CLCN7: variants seen among roughly 807,000 people sequenced by gnomAD.
CLCN7 encodes Cl-/H+ antiporter 7.
Under a neutral mutation model 102.1 loss-of-function variants are expected in CLCN7, and 60 were observed. The observed-to-expected ratio is 0.59, with a 90% CI of 0.48 to 0.73. The LOEUF is 0.73. Among genes scored for constraint, CLCN7 ranks in the 30% least tolerant of loss-of-function variants. CLCN7 has a pLI of 0.00. For missense variants in CLCN7, 962 were observed against 1,125.7 expected (o/e 0.85, Z 2.08); for synonymous variants, 560 against 490.5 (o/e 1.14, Z -1.87).
chr16:1,451,585 G>A, intron 16 of CLCN7, 38 bp downstream of exon 16: 2 of 1,580,000 alleles, frequency 1.3e-6, no homozygotes, highest in Non-Finnish European at 1.7e-6. Flanking sequence ...CCCAGGCCCT[G>A]ATCCCAGGGC....
At position 1,457,036 on chromosome 16, in the gene CLCN7, C is replaced by T. The variant is rs1368725014; in HGVS notation, c.822+218G>A. Among the ~76,000 whole-genome samples the T allele has an allele frequency of 5.9e-5, 9 of 152,118 alleles. No homozygotes were observed. The highest frequency in any genetic ancestry group is 5.9e-5 in the Non-Finnish European group (4 of 68,014). ...CCCTCCCACGGGAAACACTGATGCA[C>T]GTGTGGCAGGGGACCCAAGGAGGGA... On this transcript the variant is annotated intron_variant, in intron 9 of 24. Coordinates refer to ENST00000382745, the MANE Select transcript of CLCN7 (RefSeq NM_001287.6). This position sits in a 1 kb window ranked among gnomAD's most constrained non-coding sequence, Gnocchi z 5.4.
intron 11 of CLCN7, 68 bp downstream of exon 11, chr16:1,455,663 A>C: frequency 6.5e-7 from 1 of 1,530,608 alleles, no homozygotes; most frequent in Middle Eastern, 1.7e-4. Context: ...CCCAAGGTGG[A>C]CCCCATGGTG....
chr16:1,462,675 A>C (rs868312586), intron 2 of CLCN7, among the ~76,000 whole-genome samples: 2,280 of 137,264 alleles, frequency 0.017, 36 homozygotes, highest in Non-Finnish European at 0.026. Flanking sequence ...CAAAAAAAAA[A>C]AAAAAAAAAA....
At chr16:1,455,347 G>A (rs146662873) in intron 11 of CLCN7, 97 bp from the exon 12 acceptor site, 1 of 866,150 alleles carries the variant, frequency 1.2e-6, no homozygotes, top group Non-Finnish European at 2.0e-6. Context: ...GTCAGCCCCG[G>A]GGCCAGGAGT....
chr16:1,469,921 C>A (rs1464175750), intron 1 of CLCN7, among the ~76,000 whole-genome samples: 2 of 152,208 alleles, frequency 1.3e-5, no homozygotes, highest in South Asian at 2.1e-4. Context: ...GCACGACGGG[C>A]CGGAGGACAC....
intron 2 of CLCN7, among the ~76,000 whole-genome samples, chr16:1,464,679 C>T (rs1431054703): frequency 3.9e-5 from 6 of 152,198 alleles, no homozygotes; most frequent in Non-Finnish European, 1.5e-5. Context: ...AGAAGGAGGA[C>T]GCCCGGGGTG....
At chr16:1,454,589 C>T (rs1278378025) in intron 12 of CLCN7, 124 bp from the exon 13 acceptor site, 6 of 940,792 alleles carry the variant, frequency 6.4e-6, no homozygotes, top group South Asian at 2.7e-5. Context: ...CGCCCTTCCA[C>T]GCAGGCTGCG....
At chr16:1,454,874 C>A (rs546356242) in intron 12 of CLCN7, among the ~76,000 whole-genome samples, 24 of 152,362 alleles carry the variant, frequency 1.6e-4, no homozygotes, top group East Asian at 7.7e-4. Flanking sequence ...CACGTGCCCC[C>A]AGGCCGTGGG....
At position 1,461,594 on chromosome 16, in the gene CLCN7, G is replaced by T. The variant is rs1490980443; in HGVS notation, c.285+9C>A. 1 of 1,613,846 alleles carries T rather than the reference G, an allele frequency of 6.2e-7. No homozygotes were observed. The highest frequency in any genetic ancestry group is 8.5e-7 in the Non-Finnish European group (1 of 1,179,766). On this transcript the variant is annotated intron_variant, in intron 3 of 24. Coordinates refer to ENST00000382745, the MANE Select transcript of CLCN7 (RefSeq NM_001287.6). ...GGTCTCAGGGTCAGGGGGACAGAAGGACGCCCACCTCATACTTGAGGGACA... is the reference window on the plus strand; with the variant it reads ...GGTCTCAGGGTCAGGGGGACAGAAGTACGCCCACCTCATACTTGAGGGACA...
At chr16:1,474,052 C>G in intron 1 of CLCN7, 2 of 437,060 alleles carry the variant, frequency 4.6e-6, no homozygotes, top group East Asian at 1.4e-4. Flanking sequence ...CCATTGCACT[C>G]CAGCCTGGGC....
chr16:1,463,455 G>A (rs1285987337), intron 2 of CLCN7, among the ~76,000 whole-genome samples: 2 of 152,120 alleles, frequency 1.3e-5, no homozygotes, highest in African/African-American at 4.8e-5. Flanking sequence ...GCCACACAGT[G>A]AGACCTCATC....
rs2038659377 is a variant in CLCN7, at chr16:1,447,048, G to A, written c.2289C>T (p.Ala763=). 1 of 1,602,762 alleles carries A rather than the reference G, an allele frequency of 6.2e-7. No individual in the cohort carries two copies. ...CCACCACCAGGTGCCGCAGGCCCAG[G>A]GCCCGGAACAGCTTGAACACCCGTG... ...SLPRVFKLFR[A]LGLRHLVVVD... Residue 763 remains alanine, a synonymous_variant, in exon 24 of 25, where the codon GCC becomes GCT. Transcript: ENST00000382745.
intron 2 of CLCN7, 21 bp downstream of exon 2, chr16:1,465,246 C>G (rs73493706): frequency 2.5e-6 from 4 of 1,608,194 alleles, no homozygotes; most frequent in African/African-American, 1.3e-5. Context: ...TGCGGGAGGA[C>G]GGGGAACACC....
intron 6 of CLCN7, 96 bp downstream of exon 6, chr16:1,460,322 T>C (rs1263403500): frequency 3.4e-6 from 3 of 884,486 alleles, no homozygotes; most frequent in Admixed American, 1.9e-5. Flanking sequence ...GCCAATGTGA[T>C]GGTGGGGGTG....
intron 11 of CLCN7, 82 bp downstream of exon 11, chr16:1,455,649 T>TGGCCCCAAGGTG (rs1164697319): frequency 7.0e-7 from 1 of 1,437,028 alleles, no homozygotes. Context: ...GCTCGATGGG[T>TGGCCCCAAGGTG]GGCCCCAAGG....
At position 1,449,002 on chromosome 16, in the gene CLCN7, GAGCACC is replaced by G; in HGVS notation, c.1755_1760del (p.Val586_Leu587del). On this transcript the variant is annotated inframe_deletion, in exon 19 of 25. Coordinates refer to ENST00000382745, the MANE Select transcript of CLCN7 (RefSeq NM_001287.6). ...CGTCGCCCACGATCTTGGCGGTCAT[GAGCACC>G]AGCATGATGGGGAAGCCGTAGGTCA... 6.2e-7 allele frequency: 1 copy of G among 1,612,814 alleles called. No individual in the cohort carries two copies. Among genetic ancestry groups the G allele is most frequent in the Non-Finnish European group, 8.5e-7 (1 of 1,180,004 alleles).
At chr16:1,465,119 A>C (rs1020102970) in intron 2 of CLCN7, 148 bp downstream of exon 2, 1 of 736,036 alleles carries the variant, frequency 1.4e-6, no homozygotes, top group Admixed American at 2.0e-5. Context: ...ACTTGGCGTC[A>C]GGGACCATGT....
At chr16:1,459,081 C>A in intron 7 of CLCN7, 26 bp downstream of exon 7, 3 of 1,593,542 alleles carry the variant, frequency 1.9e-6, no homozygotes, top group Non-Finnish European at 2.6e-6. Flanking sequence ...GCCCACCCTG[C>A]CCAGCCAGGG....
chr16:1,461,389 G>A lies in CLCN7; in HGVS notation c.351+16C>T. The A allele has an allele frequency of 1.9e-6, 3 of 1,547,926 alleles. No individual in the cohort carries two copies. The highest frequency in any genetic ancestry group is 2.6e-6 in the Non-Finnish European group (3 of 1,146,254). On this transcript the variant is annotated intron_variant, in intron 4 of 24. Transcript: ENST00000382745. ...CCCGCACCGTGGGGCCCTGCAGGGA[G>A]CGGCGTCCAGCTCACCGTGTGATTG...
Sources: allele counts gnomAD v4.1 joint callset (sites outside exome capture counted in the v4.1 genomes callset), GRCh38; gene constraint gnomAD v4.1.1; non-coding constraint Gnocchi (gnomAD v3.1); transcripts MANE v1.5; gene names NCBI Gene and HGNC (gene_info 2026-07-23, HGNC 2026-07-21).